PTPRD: variants seen among roughly 807,000 people sequenced by gnomAD.
The protein encoded by PTPRD is receptor-type tyrosine-protein phosphatase delta.
In PTPRD, 34 loss-of-function variants were observed where a neutral mutation model predicts 214.5. The observed-to-expected ratio is 0.16, with a 90% CI of 0.12 to 0.21. The LOEUF (loss-of-function observed/expected upper bound fraction) is 0.21. Ranked by LOEUF, PTPRD falls within the 10% of genes least tolerant of loss-of-function variation. The pLI is 1.00. For missense variants in PTPRD, 2,545 were observed against 2,398.7 expected, an observed-to-expected ratio of 1.06 and a Z score of -1.27; for synonymous variants, 1,128 against 845.7, an observed-to-expected ratio of 1.33 and a Z score of -5.79.
At chr9:9,559,286 C>T (rs544775734) in intron 8 of PTPRD, among the ~76,000 whole-genome samples, 8 of 152,210 alleles carry the variant, frequency 5.3e-5, no homozygotes, top group Non-Finnish European at 1.2e-4. Flanking sequence ...TTACTAACTG[C>T]TTCCCAGTCT....
chr9:9,700,669 T>C (rs1445950057), intron 7 of PTPRD, among the ~76,000 whole-genome samples: 2 of 152,156 alleles, frequency 1.3e-5, no homozygotes, highest in Non-Finnish European at 2.9e-5. Flanking sequence ...CAATAATTCC[T>C]CATTGTGTAT....
At chr9:8,346,982 G>C (rs1331548873) in intron 39 of PTPRD, among the ~76,000 whole-genome samples, 2 of 152,008 alleles carry the variant, frequency 1.3e-5, no homozygotes, top group Non-Finnish European at 2.9e-5. Context: ...ATTAAATTTT[G>C]GGTGAAATAC....
chr9:10,533,722 C>G (rs760650416), intron 2 of PTPRD, among the ~76,000 whole-genome samples: 1 of 151,548 alleles, frequency 6.6e-6, no homozygotes, highest in African/African-American at 2.4e-5. Flanking sequence ...GAATTAAGAG[C>G]TTTTTAAAAT....
chr9:8,897,502 T>C (rs528846285), intron 11 of PTPRD, among the ~76,000 whole-genome samples: 5 of 152,176 alleles, frequency 3.3e-5, no homozygotes, highest in Admixed American at 2.0e-4. Flanking sequence ...AGAGAATGTG[T>C]GGAAGATTTT....
intron 2 of PTPRD, among the ~76,000 whole-genome samples, chr9:10,492,610 T>A (rs139327427): frequency 6.6e-6 from 1 of 152,182 alleles, no homozygotes; most frequent in South Asian, 2.1e-4. Context: ...ATTCTGGATA[T>A]TAGCCCTTTG....
intron 9 of PTPRD, among the ~76,000 whole-genome samples, chr9:9,330,623 A>C (rs2067304994): frequency 6.6e-6 from 1 of 152,070 alleles, no homozygotes; most frequent in South Asian, 2.1e-4. Context: ...GATGCTATTA[A>C]TAACACATAT....
intron 2 of PTPRD, among the ~76,000 whole-genome samples, chr9:10,511,171 G>A (rs76819094): frequency 0.029 from 4,374 of 152,214 alleles, 209 homozygotes; most frequent in African/African-American, 0.099. Context: ...TCATTTCATA[G>A]TCGAAGTATG....
intron 12 of PTPRD, among the ~76,000 whole-genome samples, chr9:8,681,092 C>A (rs568770655): frequency 6.6e-6 from 1 of 152,318 alleles, no homozygotes; most frequent in Admixed American, 6.5e-5. Flanking sequence ...AAGTGTCCTC[C>A]ACATTCTGCC....
At chr9:10,502,861 T>C (rs2044247798) in intron 2 of PTPRD, among the ~76,000 whole-genome samples, 1 of 152,078 alleles carries the variant, frequency 6.6e-6, no homozygotes, top group Non-Finnish European at 1.5e-5. Context: ...GAAGATAATT[T>C]ATATGGTTAA....
At chr9:9,934,979 A>G (rs1229474181) in intron 5 of PTPRD, among the ~76,000 whole-genome samples, 1 of 152,234 alleles carries the variant, frequency 6.6e-6, no homozygotes, top group Non-Finnish European at 1.5e-5. Flanking sequence ...CAAAAACCAC[A>G]TGATTATCTC....
intron 11 of PTPRD, among the ~76,000 whole-genome samples, chr9:8,737,565 C>A (rs1379092760): frequency 6.6e-6 from 1 of 151,708 alleles, no homozygotes; most frequent in Admixed American, 6.6e-5. Context: ...ATTAAAAGTA[C>A]CACGTTTTAC....
chr9:9,861,415 C>T (rs140579471), intron 5 of PTPRD, among the ~76,000 whole-genome samples: 243 of 152,198 alleles, frequency 1.6e-3, no homozygotes, highest in African/African-American at 5.5e-3. Context: ...CTCAGCCTCC[C>T]GAGTAGCTGG....
At chr9:8,694,153 T>C (rs2097861072) in intron 12 of PTPRD, among the ~76,000 whole-genome samples, 1 of 152,194 alleles carries the variant, frequency 6.6e-6, no homozygotes, top group African/African-American at 2.4e-5. Context: ...TAAGAGAATA[T>C]ATTTAAATGC....
At chr9:9,377,551 C>A (rs1368884460) in intron 9 of PTPRD, among the ~76,000 whole-genome samples, 1 of 152,090 alleles carries the variant, frequency 6.6e-6, no homozygotes, top group Non-Finnish European at 1.5e-5. Flanking sequence ...ATCAGAGAAA[C>A]AGAGGCTTTA....
At chr9:8,638,739 C>A (rs2096503643) in intron 12 of PTPRD, among the ~76,000 whole-genome samples, 1 of 152,256 alleles carries the variant, frequency 6.6e-6, no homozygotes, top group South Asian at 2.1e-4. Flanking sequence ...CTCTAACAAC[C>A]CTGCTAGAGA....
intron 3 of PTPRD, among the ~76,000 whole-genome samples, chr9:10,071,781 A>G (rs1461542582): frequency 6.6e-6 from 1 of 151,954 alleles, no homozygotes; most frequent in African/African-American, 2.4e-5. Context: ...TCATATTCTT[A>G]GTTTCAGGGA....
At chr9:10,136,121 A>C (rs933709367) in intron 3 of PTPRD, among the ~76,000 whole-genome samples, 7 of 151,878 alleles carry the variant, frequency 4.6e-5, no homozygotes, top group Non-Finnish European at 4.4e-5. Context: ...AACCAAAAAC[A>C]GTCAAAAAGG....
intron 14 of PTPRD, among the ~76,000 whole-genome samples, chr9:8,558,445 C>A (rs757975696): frequency 6.6e-6 from 1 of 152,134 alleles, no homozygotes; most frequent in Non-Finnish European, 1.5e-5. Context: ...CAGAGCCATG[C>A]CACGTGCCAC....
At chr9:10,284,030 A>G (rs2095253996) in intron 3 of PTPRD, among the ~76,000 whole-genome samples, 1 of 151,772 alleles carries the variant, frequency 6.6e-6, no homozygotes, top group South Asian at 2.1e-4. Flanking sequence ...TAATTGAAAA[A>G]GAAATAATTT....
Sources: allele counts gnomAD v4.1 joint callset (sites outside exome capture counted in the v4.1 genomes callset), GRCh38; gene constraint gnomAD v4.1.1; transcripts MANE v1.5; gene names NCBI Gene and HGNC (gene_info 2026-07-23, HGNC 2026-07-21).